The following CTNNA2 variants were observed in gnomAD, a reference collection of about 807,000 sequenced individuals.
The protein encoded by CTNNA2 is catenin alpha 2, also known as catenin alpha-2.
A neutral mutation model predicts 101.0 loss-of-function variants in CTNNA2; 42 were observed. That is an observed-to-expected ratio of 0.42 (90% CI 0.32 to 0.54). The LOEUF (loss-of-function observed/expected upper bound fraction) is 0.54. Ranked by LOEUF, CTNNA2 falls within the 20% of genes least tolerant of loss-of-function variation. The probability of loss-of-function intolerance (pLI) is 0.14; values close to 1 mark genes in which losing one functional copy is unlikely to be tolerated. For missense variants in CTNNA2, 871 were observed against 1,223.1 expected (o/e 0.71, Z 4.29); for synonymous variants, 450 against 456.4 (o/e 0.99, Z 0.18).
At chr2:79,865,451 G>T (rs1469582985) in intron 4 of CTNNA2, among the ~76,000 whole-genome samples, 1 of 152,156 alleles carries the variant, frequency 6.6e-6, no homozygotes, top group Non-Finnish European at 1.5e-5. Flanking sequence ...AGTTTTGTCA[G>T]TGTCACTTAA....
At chr2:79,400,807 A>G (rs1195813124) in intron 4 of CTNNA2, among the ~76,000 whole-genome samples, 1 of 144,250 alleles carries the variant, frequency 6.9e-6, no homozygotes, top group Non-Finnish European at 1.5e-5. Flanking sequence ...AGTTCAATGA[A>G]CACCGTGTAG....
chr2:79,227,327 C>G (rs985141550), intron 2 of CTNNA2, among the ~76,000 whole-genome samples: 23 of 152,078 alleles, frequency 1.5e-4, no homozygotes, highest in African/African-American at 4.8e-4. Context: ...TACATTTATT[C>G]CATCATTTGA....
At chr2:80,224,457 T>C (rs1326926594) in intron 7 of CTNNA2, among the ~76,000 whole-genome samples, 1 of 152,128 alleles carries the variant, frequency 6.6e-6, no homozygotes, top group Non-Finnish European at 1.5e-5. Context: ...ATTTTTATTT[T>C]ATTTTGAGAT....
chr2:79,374,387 C>T (rs1169051069), intron 4 of CTNNA2, among the ~76,000 whole-genome samples: 3 of 152,166 alleles, frequency 2.0e-5, no homozygotes, highest in Non-Finnish European at 4.4e-5. Context: ...TCATACTTAA[C>T]TTTTGTCATT....
chr2:80,372,350 G>A (rs73938290), intron 7 of CTNNA2, among the ~76,000 whole-genome samples: 4,615 of 151,228 alleles, frequency 0.031, 157 homozygotes, highest in African/African-American at 0.079. Flanking sequence ...CCCCATGCAA[G>A]CTCCATTTTT....
chr2:79,752,677 C>T (rs1410295239), intron 3 of CTNNA2, among the ~76,000 whole-genome samples: 1 of 152,154 alleles, frequency 6.6e-6, no homozygotes, highest in African/African-American at 2.4e-5. Context: ...TGGAGCCTGA[C>T]ACAATGTCTG....
intron 1 of CTNNA2, among the ~76,000 whole-genome samples, chr2:79,618,005 A>T (rs1478676911): frequency 1.3e-5 from 2 of 152,112 alleles, no homozygotes; most frequent in Non-Finnish European, 2.9e-5. Flanking sequence ...ATCCTCCCTC[A>T]TATCTCTTTG....
Position 79,858,007 on chromosome 2 carries a change from T to G in CTNNA2, c.299-6T>G. On this transcript the variant is annotated splice_polypyrimidine_tract_variant and splice_region_variant and intron_variant, in intron 3 of 18. Transcript: ENST00000402739. ...ACCCACCTGCCTCTCCGTGTCTGTCTTCCAGGTGAGACGATGCGGATCGCC... is the reference window on the plus strand; with the variant it reads ...ACCCACCTGCCTCTCCGTGTCTGTCGTCCAGGTGAGACGATGCGGATCGCC... The G allele has an allele frequency of 6.2e-7, 1 of 1,610,156 alleles. No homozygotes were observed. The highest frequency in any genetic ancestry group is 1.1e-5 in the South Asian group (1 of 90,966).
chr2:79,488,603 A>G (rs1207014450), intron 4 of CTNNA2, among the ~76,000 whole-genome samples: 1 of 152,216 alleles, frequency 6.6e-6, no homozygotes, highest in Admixed American at 6.5e-5. Flanking sequence ...AGCATGTGAT[A>G]GACATTGTTC....
chr2:80,042,047 C>T (rs991771181), intron 7 of CTNNA2, among the ~76,000 whole-genome samples: 2 of 152,328 alleles, frequency 1.3e-5, no homozygotes, highest in Non-Finnish European at 2.9e-5. Flanking sequence ...TCACTGCAAC[C>T]TTCACCTCCC....
chr2:80,636,657 G>T (rs1672914362), intron 18 of CTNNA2, among the ~76,000 whole-genome samples: 1 of 152,012 alleles, frequency 6.6e-6, no homozygotes, highest in Admixed American at 6.6e-5. Flanking sequence ...GGAATTTGGG[G>T]AATTTAAGGT....
Position 79,530,058 on chromosome 2 carries a change from A to G in CTNNA2, c.-6+16851A>G, listed in dbSNP as rs1210135398. 1.1e-4 allele frequency among the ~76,000 whole-genome samples: 16 copies of G among 152,166 alleles called. No homozygotes were observed. The South Asian group carries it at 2.9e-3, about 28-fold the overall frequency. On this transcript the variant is annotated intron_variant, in intron 1 of 18. Coordinates refer to ENST00000402739, the MANE Select transcript of CTNNA2 (RefSeq NM_001282597.3). ...GCAGCTAAACAATGACCCCATGTCC[A>G]CTTTGTGGTCTGCTCTGAAGGCTTT...
At chr2:80,634,759 C>G (rs190815937) in intron 18 of CTNNA2, among the ~76,000 whole-genome samples, 10 of 152,118 alleles carry the variant, frequency 6.6e-5, no homozygotes, top group Admixed American at 2.6e-4. Context: ...GAAAAGAGAT[C>G]AAGTAATAGA....
intron 6 of CTNNA2, among the ~76,000 whole-genome samples, chr2:79,894,044 CTTCTTCTTCTTCT>C (rs1684509282): frequency 3.7e-5 from 5 of 134,760 alleles, no homozygotes; most frequent in African/African-American, 1.3e-4. Flanking sequence ...TCTTCTTCTT[CTTCTTCTTCTTCT>C]TCTTCTTCCT....
chr2:80,053,807 T>C (rs1697038318), intron 7 of CTNNA2, among the ~76,000 whole-genome samples: 1 of 152,248 alleles, frequency 6.6e-6, no homozygotes, highest in African/African-American at 2.4e-5. Context: ...CTCTGGAATT[T>C]CATTACATTT....
chr2:80,444,882 T>A (rs1305020204), intron 9 of CTNNA2, among the ~76,000 whole-genome samples: 1 of 152,086 alleles, frequency 6.6e-6, no homozygotes, highest in Non-Finnish European at 1.5e-5. Context: ...GTATGACACT[T>A]GTTATGGCAG....
chr2:80,245,890 A>T (rs1671293403), intron 7 of CTNNA2, among the ~76,000 whole-genome samples: 1 of 124,920 alleles, frequency 8.0e-6, no homozygotes, highest in Non-Finnish European at 1.5e-5. Context: ...TGCCTTCCGG[A>T]TTCACGCCAT....
At chr2:80,053,580 CTG>C (rs1304104390) in intron 7 of CTNNA2, among the ~76,000 whole-genome samples, 6 of 152,176 alleles carry the variant, frequency 3.9e-5, no homozygotes, top group African/African-American at 1.4e-4. Flanking sequence ...CTCTTTCAAA[CTG>C]TCAACAGTGC....
At chr2:79,655,844 AT>A (rs1297417805) in intron 2 of CTNNA2, among the ~76,000 whole-genome samples, 16 of 145,834 alleles carry the variant, frequency 1.1e-4, no homozygotes, top group Non-Finnish European at 1.3e-4. Context: ...AAAAAAAAAA[AT>A]GTCTTTTTCA....
Sources: allele counts gnomAD v4.1 joint callset (sites outside exome capture counted in the v4.1 genomes callset), GRCh38; gene constraint gnomAD v4.1.1; transcripts MANE v1.5; gene names NCBI Gene and HGNC (gene_info 2026-07-23, HGNC 2026-07-21).